RTL4: variants seen among roughly 807,000 people sequenced by gnomAD.
RTL4 encodes retrotransposon Gag like 4.
Under a neutral mutation model 5.3 loss-of-function variants are expected in RTL4, and 4 were observed. That is an observed-to-expected ratio of 0.75 (90% confidence interval 0.37 to 1.72). RTL4 has a LOEUF of 1.72. Ranked by LOEUF, RTL4 falls within the 40% of genes most tolerant of loss-of-function variation. The pLI, the probability that RTL4 is intolerant of heterozygous loss-of-function variation, is 0.04. For synonymous variants in RTL4, 98 were observed against 87.3 expected (o/e 1.12, Z -0.68); for missense variants, 260 against 227.1 (o/e 1.14, Z -0.93).
chrX:112,098,012 G>C, the RTL4 span, among the ~76,000 whole-genome samples: 1 of 111,324 alleles, frequency 9.0e-6, no homozygotes, highest in East Asian at 2.9e-4. Flanking sequence ...ACAACGTGCA[G>C]GTTAGTTACA....
At chrX:112,347,662 T>A in the RTL4 span, among the ~76,000 whole-genome samples, 1 of 111,552 alleles carries the variant, frequency 9.0e-6, no homozygotes, top group Admixed American at 9.6e-5. Flanking sequence ...ACAATTGCAC[T>A]GTTTAGGCAG....
At chrX:112,173,605 A>G in the RTL4 span, among the ~76,000 whole-genome samples, 1 of 111,082 alleles carries the variant, frequency 9.0e-6, no homozygotes, top group African/African-American at 3.3e-5. Context: ...TTTCAGTTAA[A>G]AAAAGAGTTG....
At chrX:112,392,338 C>A in the RTL4 span, among the ~76,000 whole-genome samples, 1 of 111,479 alleles carries the variant, frequency 9.0e-6, no homozygotes, top group Non-Finnish European at 1.9e-5. Flanking sequence ...CATAAGGCTG[C>A]TGTGGTATGC....
At chrX:112,115,906 C>T in the RTL4 span, among the ~76,000 whole-genome samples, 2 of 112,233 alleles carry the variant, frequency 1.8e-5, no homozygotes, top group Non-Finnish European at 3.8e-5. Context: ...CTCGCTTGGG[C>T]GAGTGACTTT....
chrX:112,300,783 A>G, the RTL4 span, among the ~76,000 whole-genome samples: 4 of 112,344 alleles, frequency 3.6e-5, no homozygotes, highest in African/African-American at 1.3e-4. Context: ...CCCTGCTCCT[A>G]CTGTGTTTAT....
At chrX:112,099,261 C>T in the RTL4 span, among the ~76,000 whole-genome samples, 3 of 111,631 alleles carry the variant, frequency 2.7e-5, no homozygotes, top group Non-Finnish European at 5.7e-5. Flanking sequence ...AGCTCATGGC[C>T]TATAGGAGGG....
chrX:112,116,695 G>A, the RTL4 span, among the ~76,000 whole-genome samples: 183 of 111,358 alleles, frequency 1.6e-3, no homozygotes, highest in African/African-American at 5.8e-3. Flanking sequence ...GTGCTGATTG[G>A]TCCATTTTAC....
the RTL4 span, among the ~76,000 whole-genome samples, chrX:112,278,144 T>G: frequency 1.8e-5 from 2 of 112,342 alleles, no homozygotes; most frequent in Non-Finnish European, 1.9e-5. Flanking sequence ...CTCTAAAGAT[T>G]GTTGGTTTTA....
At chrX:112,291,199 G>C in the RTL4 span, among the ~76,000 whole-genome samples, 4 of 110,621 alleles carry the variant, frequency 3.6e-5, no homozygotes, top group Non-Finnish European at 7.6e-5. Context: ...TGTCCAAGTA[G>C]GGAGCAGGAA....
chrX:112,442,906 C>A, the RTL4 span, among the ~76,000 whole-genome samples: 1 of 112,001 alleles, frequency 8.9e-6, no homozygotes, highest in East Asian at 2.8e-4. Flanking sequence ...CTTTGTGTTA[C>A]AAACAATGCA....
chrX:112,302,439 T>A, the RTL4 span, among the ~76,000 whole-genome samples: 1 of 111,271 alleles, frequency 9.0e-6, no homozygotes, highest in East Asian at 2.8e-4. Flanking sequence ...AAATTACAGA[T>A]TTAGGCGGTA....
At chrX:112,440,697 C>G in the RTL4 span, among the ~76,000 whole-genome samples, 9 of 111,673 alleles carry the variant, frequency 8.1e-5, no homozygotes, top group Admixed American at 7.6e-4. Flanking sequence ...TATTTAGGAG[C>G]TTTGCTTTCT....
the RTL4 span, among the ~76,000 whole-genome samples, chrX:112,170,809 A>G: frequency 9.0e-6 from 1 of 111,539 alleles, no homozygotes; most frequent in African/African-American, 3.3e-5. Flanking sequence ...GAGAGAGGGC[A>G]TCCTTGTCTT....
the RTL4 span, among the ~76,000 whole-genome samples, chrX:112,162,956 C>T: frequency 2.7e-5 from 3 of 111,875 alleles, no homozygotes; most frequent in African/African-American, 6.5e-5. Flanking sequence ...AATGTTGACG[C>T]CTGCTGCTGA....
chrX:112,381,223 C>A, the RTL4 span, among the ~76,000 whole-genome samples: 1 of 111,616 alleles, frequency 9.0e-6, no homozygotes, highest in Non-Finnish European at 1.9e-5. Flanking sequence ...CAGTGAACTT[C>A]ACAGTTGCCG....
chrX:112,282,796 A>G, the RTL4 span, among the ~76,000 whole-genome samples: 2 of 111,628 alleles, frequency 1.8e-5, no homozygotes, highest in African/African-American at 6.5e-5. Flanking sequence ...GTTTATTGAC[A>G]GTGAAAATAT....
At chrX:112,174,705 A>C in the RTL4 span, among the ~76,000 whole-genome samples, 1 of 84,056 alleles carries the variant, frequency 1.2e-5, no homozygotes, top group African/African-American at 4.3e-5. Flanking sequence ...CCAACAGTGT[A>C]AAAGTGTTCC....
chrX:112,452,993 T>C (rs940957924), upstream of RTL4, among the ~76,000 whole-genome samples: 14 of 106,653 alleles, frequency 1.3e-4, no homozygotes, highest in Non-Finnish European at 2.1e-4. Flanking sequence ...GATTGCACCA[T>C]TGCACTCCAG....
the RTL4 span, among the ~76,000 whole-genome samples, chrX:112,252,691 T>A: frequency 9.0e-6 from 1 of 111,586 alleles, no homozygotes; most frequent in African/African-American, 3.3e-5. Flanking sequence ...ACCCCTGTCC[T>A]GGACATTTAT....
Sources: allele counts gnomAD v4.1 joint callset (sites outside exome capture counted in the v4.1 genomes callset), GRCh38; gene constraint gnomAD v4.1.1; transcripts MANE v1.5; gene names NCBI Gene and HGNC (gene_info 2026-07-23, HGNC 2026-07-21).